MDGA2: variants seen among roughly 807,000 people sequenced by gnomAD.
The protein encoded by MDGA2 is MAM domain containing glycosylphosphatidylinositol anchor 2.
Under a neutral mutation model 117.8 loss-of-function variants are expected in MDGA2, and 40 were observed. That is an observed-to-expected ratio of 0.34 (90% CI 0.26 to 0.44). The LOEUF is 0.44. Among genes scored for constraint, MDGA2 ranks in the 20% least tolerant of loss-of-function variants. The probability of loss-of-function intolerance (pLI) is 1.00; values close to 1 mark genes in which losing one functional copy is unlikely to be tolerated. For missense variants in MDGA2, 1,123 were observed against 1,250.6 expected, an observed-to-expected ratio of 0.90 and a Z score of 1.54; for synonymous variants, 452 against 439.0, an observed-to-expected ratio of 1.03 and a Z score of -0.37.
chr14:47,298,212 C>A (rs543448094), intron 2 of MDGA2, among the ~76,000 whole-genome samples: 1 of 152,218 alleles, frequency 6.6e-6, no homozygotes, highest in African/African-American at 2.4e-5. Context: ...GGGTTACATC[C>A]AGACAATCTG....
At chr14:47,092,471 A>T (rs1879713395) in intron 6 of MDGA2, among the ~76,000 whole-genome samples, 6 of 152,166 alleles carry the variant, frequency 3.9e-5, no homozygotes, top group Admixed American at 3.3e-4. Flanking sequence ...ATTAAAGGTA[A>T]AAGAAGAGTA....
chr14:47,054,678 G>C (rs1489062576), intron 7 of MDGA2, among the ~76,000 whole-genome samples: 1 of 151,792 alleles, frequency 6.6e-6, no homozygotes, highest in Non-Finnish European at 1.5e-5. Context: ...GAACAGAACA[G>C]AGCCCTCAGA....
In MDGA2 at chr14:47,103,026, C is replaced by T. The variant is rs999027121; in HGVS notation, c.926-5903G>A. Among the ~76,000 whole-genome samples, 3 of 152,122 alleles carry T rather than the reference C, an allele frequency of 2.0e-5. No homozygotes were observed. The South Asian group carries it at 6.2e-4, about 32-fold the overall frequency. ...AGGGGTAGGCGGTAAGTGAAAGCAC[C>T]CCTATCAATCAAGATATGGGTGAAA... On this transcript the variant is annotated intron_variant, in intron 5 of 16. Transcript: ENST00000399232.
chr14:47,665,363 T>C (rs1425137097), intron 1 of MDGA2, among the ~76,000 whole-genome samples: 1 of 152,212 alleles, frequency 6.6e-6, no homozygotes, highest in African/African-American at 2.4e-5. Context: ...TTACAGCACT[T>C]ACTGAGAGGT....
chr14:46,986,607 G>C (rs534860040), intron 8 of MDGA2, among the ~76,000 whole-genome samples: 1 of 152,218 alleles, frequency 6.6e-6, no homozygotes, highest in South Asian at 2.1e-4. Context: ...GGCTATTGAT[G>C]AAATTTCCAA....
chr14:47,618,270 T>G (rs758219617), intron 1 of MDGA2, among the ~76,000 whole-genome samples: 1 of 152,230 alleles, frequency 6.6e-6, no homozygotes, highest in Non-Finnish European at 1.5e-5. Context: ...AGGACCTATC[T>G]TGGTGCACTT....
intron 7 of MDGA2, among the ~76,000 whole-genome samples, chr14:47,039,211 C>G (rs1409720156): frequency 3.9e-5 from 6 of 152,134 alleles, no homozygotes; most frequent in Non-Finnish European, 8.8e-5. Context: ...ATTCCAATGG[C>G]TCATAATTGC....
chr14:47,650,959 C>T (rs530295148), intron 1 of MDGA2, among the ~76,000 whole-genome samples: 1 of 152,128 alleles, frequency 6.6e-6, no homozygotes, highest in African/African-American at 2.4e-5. Context: ...AATTATCTTA[C>T]TTGGTGTTAT....
intron 5 of MDGA2, among the ~76,000 whole-genome samples, chr14:47,107,037 T>A (rs181932177): frequency 0.023 from 2,810 of 121,390 alleles, 248 homozygotes; most frequent in Non-Finnish European, 0.035. Context: ...AGCCAAAGCC[T>A]CCTTTGCGTC....
At chr14:47,102,205 T>C (rs1467510990) in intron 5 of MDGA2, among the ~76,000 whole-genome samples, 2 of 152,072 alleles carry the variant, frequency 1.3e-5, no homozygotes, top group East Asian at 3.9e-4. Context: ...ATCCAGACTC[T>C]AAGCAACTTA....
At chr14:46,874,598 T>G (rs1882150203) in intron 12 of MDGA2, among the ~76,000 whole-genome samples, 1 of 151,858 alleles carries the variant, frequency 6.6e-6, no homozygotes, top group Non-Finnish European at 1.5e-5. Context: ...CTGAGGGTAG[T>G]TTTAAATTGG....
intron 6 of MDGA2, among the ~76,000 whole-genome samples, chr14:47,089,286 T>C (rs186668217): frequency 2.8e-4 from 43 of 152,316 alleles, no homozygotes; most frequent in Non-Finnish European, 5.1e-4. Context: ...TGGAAACTTA[T>C]TGTGTGGTCT....
intron 1 of MDGA2, among the ~76,000 whole-genome samples, chr14:47,568,726 G>T (rs900469158): frequency 6.6e-6 from 1 of 152,102 alleles, no homozygotes; most frequent in Non-Finnish European, 1.5e-5. Flanking sequence ...AAATAATCCT[G>T]TTATATTGTA....
At chr14:47,550,124 A>T (rs1390641291) in intron 1 of MDGA2, among the ~76,000 whole-genome samples, 1 of 152,170 alleles carries the variant, frequency 6.6e-6, no homozygotes, top group Non-Finnish European at 1.5e-5. Flanking sequence ...TTCCAAAAAG[A>T]ACTCATAACT....
rs1881848516 is a variant in MDGA2 at position 47,125,357 on chromosome 14, TA to T, written c.925+6356del. ...TTTCATAAGGCTTAAGTAAGTTAGT[TA>T]AATTCCTCTAAACATGAAGAGAACT... On this transcript the variant is annotated intron_variant, in intron 5 of 16. Coordinates refer to ENST00000399232, the MANE Select transcript of MDGA2 (RefSeq NM_001113498.3). Among the ~76,000 whole-genome samples the T allele has an allele frequency of 2.0e-5, 3 of 152,264 alleles. No homozygotes were observed. In the South Asian group the frequency reaches 6.2e-4, roughly 32 times the overall value.
Position 47,633,123 on chromosome 14 carries a change from C to T in MDGA2, c.280+41394G>A, listed in dbSNP as rs1409643010. ...CATTGACCCTAGAAATGTTTTTGGT[C>T]AGTATCCTAACTGCGCTCATCATGC... On this transcript the variant is annotated intron_variant, in intron 1 of 16. Coordinates refer to ENST00000399232, the MANE Select transcript of MDGA2 (RefSeq NM_001113498.3). Among the ~76,000 whole-genome samples the T allele has an allele frequency of 4.6e-5, 7 of 152,156 alleles. No individual in the cohort carries two copies. In the East Asian group the frequency reaches 1.2e-3, roughly 25 times the overall value.
intron 7 of MDGA2, among the ~76,000 whole-genome samples, chr14:47,042,605 A>G (rs1889118080): frequency 6.6e-6 from 1 of 152,164 alleles, no homozygotes; most frequent in Non-Finnish European, 1.5e-5. Context: ...GCACATGGAT[A>G]TACTCGGATT....
At chr14:47,173,492 A>G (rs1246630397) in intron 3 of MDGA2, among the ~76,000 whole-genome samples, 1 of 152,224 alleles carries the variant, frequency 6.6e-6, no homozygotes, top group African/African-American at 2.4e-5. Flanking sequence ...GGAGGCCAAT[A>G]TTCAACATTC....
At chr14:47,260,109 AGAG>A (rs1887746456) in intron 2 of MDGA2, among the ~76,000 whole-genome samples, 1 of 152,054 alleles carries the variant, frequency 6.6e-6, no homozygotes, top group Non-Finnish European at 1.5e-5. Context: ...ATGGTAATTT[AGAG>A]GAGGAGAAAA....
Sources: gnomAD v4.1 joint callset for allele counts (sites outside exome capture counted in the v4.1 genomes callset) on GRCh38, gnomAD v4.1.1 for gene constraint, MANE v1.5 for transcripts, NCBI Gene and HGNC (gene_info 2026-07-23, HGNC 2026-07-21) for gene names.